Variants in SPON1 observed in about 807,000 individuals in gnomAD.
The protein encoded by SPON1 is spondin 1.
SPON1 carries 52 observed loss-of-function variants against 111.7 expected under a neutral mutation model. The observed-to-expected ratio is 0.47, with a 90% CI of 0.37 to 0.59. SPON1 has a LOEUF of 0.59. Ranked by LOEUF, SPON1 falls within the 20% of genes least tolerant of loss-of-function variation. SPON1 has a pLI of 0.00. For missense variants in SPON1, 957 were observed against 1,068.5 expected, an observed-to-expected ratio of 0.90 and a Z score of 1.46; for synonymous variants, 410 against 395.8, an observed-to-expected ratio of 1.04 and a Z score of -0.43.
At chr11:14,042,118 G>T (rs1848635732) in intron 3 of SPON1, among the ~76,000 whole-genome samples, 1 of 151,824 alleles carries the variant, frequency 6.6e-6, no homozygotes, top group African/African-American at 2.4e-5. Flanking sequence ...ATGGCCCTCT[G>T]GTGCCACTTC....
chr11:14,238,167 T>G (rs1848887205), intron 6 of SPON1, among the ~76,000 whole-genome samples: 1 of 152,228 alleles, frequency 6.6e-6, no homozygotes, highest in African/African-American at 2.4e-5. Context: ...TATTGTTTTA[T>G]TATTGTTGCT....
At chr11:14,068,239 A>C (rs1395150471) in intron 3 of SPON1, among the ~76,000 whole-genome samples, 1 of 152,220 alleles carries the variant, frequency 6.6e-6, no homozygotes, top group African/African-American at 2.4e-5. Flanking sequence ...GGATCATGGT[A>C]ACCTTGTTAT....
At chr11:14,160,734 TATTTA>T (rs1282228540) in intron 6 of SPON1, among the ~76,000 whole-genome samples, 3,419 of 12,540 alleles carry the variant, frequency 0.27, 850 homozygotes, top group African/African-American at 0.38. Context: ...TATTTATATA[TATTTA>T]ATTTATATAT....
At chr11:14,106,818 T>C (rs1179248563) in intron 5 of SPON1, among the ~76,000 whole-genome samples, 1 of 152,110 alleles carries the variant, frequency 6.6e-6, no homozygotes, top group Admixed American at 6.5e-5. Flanking sequence ...ACTGAGTTGA[T>C]TGATTAAATT....
chr11:14,259,511 T>G lies in SPON1; in HGVS notation c.1664-23T>G. The G allele has an allele frequency of 3.2e-6, 5 of 1,562,528 alleles. No homozygotes were observed. Among genetic ancestry groups the G allele is most frequent in the Non-Finnish European group, 4.3e-6 (5 of 1,153,976 alleles). ...AGGTCGGGGAGGCAGCAGGTGCGAC[T>G]CCAATGCCGCTGGCCTCCCCAGCTC... On this transcript the variant is annotated intron_variant, in intron 12 of 15. Transcript: ENST00000576479. The surrounding 1 kb of genome is among the most constrained non-coding windows in gnomAD (Gnocchi z 5.0).
At chr11:14,036,731 G>C (rs12283632) in intron 2 of SPON1, among the ~76,000 whole-genome samples, 1 of 151,834 alleles carries the variant, frequency 6.6e-6, no homozygotes, top group South Asian at 2.1e-4. Context: ...GAGGGTTTAC[G>C]ACTGAACCTT....
chr11:14,199,278 G>C (rs1554935377), intron 6 of SPON1, among the ~76,000 whole-genome samples: 2 of 152,048 alleles, frequency 1.3e-5, no homozygotes, highest in Non-Finnish European at 1.5e-5. Flanking sequence ...TTCCTCCAAT[G>C]TCTTCATAGT....
At chr11:14,078,447 T>C (rs578159542) in intron 4 of SPON1, among the ~76,000 whole-genome samples, 24 of 152,298 alleles carry the variant, frequency 1.6e-4, no homozygotes, top group Admixed American at 5.2e-4. Flanking sequence ...CGTAGAGCTA[T>C]GTAGGGAGGC....
At chr11:14,227,283 C>T (rs1030930677) in intron 6 of SPON1, among the ~76,000 whole-genome samples, 2 of 152,134 alleles carry the variant, frequency 1.3e-5, no homozygotes, top group Non-Finnish European at 2.9e-5. Context: ...ATAGCAGGGA[C>T]TTCAGGCACA....
Position 14,160,935 on chromosome 11 carries a change from A to ATT in SPON1, c.825+25368_825+25369insTT, listed in dbSNP as rs1564919772. ...TATATATTTATATATTTATATATTT[A>ATT]TATATATATTTATATATTTATATAT... On this transcript the variant is annotated intron_variant, in intron 6 of 15. Transcript: ENST00000576479. Among the ~76,000 whole-genome samples the ATT allele has an allele frequency of 9.2e-4, 11 of 11,918 alleles. 1 individual carries two copies. The highest frequency in any genetic ancestry group is 3.1e-3 in the African/African-American group (11 of 3,558). The allele number at this position is 11,918 out of a possible 152,430, so 7.8% of individuals were successfully genotyped here. A position where few individuals can be genotyped will look rare whatever the true frequency, so the allele number is the denominator to read the frequency against.
intron 3 of SPON1, among the ~76,000 whole-genome samples, chr11:14,069,945 G>C (rs1848862398): frequency 1.3e-5 from 2 of 152,034 alleles, no homozygotes; most frequent in African/African-American, 4.8e-5. Flanking sequence ...CTGGATACTT[G>C]TTAACTCTTG....
intron 6 of SPON1, among the ~76,000 whole-genome samples, chr11:14,206,223 T>A (rs1848515610): frequency 6.6e-6 from 1 of 152,198 alleles, no homozygotes; most frequent in Non-Finnish European, 1.5e-5. Context: ...AGACTGAGTC[T>A]TGCTCTGTCA....
intron 2 of SPON1, among the ~76,000 whole-genome samples, chr11:14,001,469 G>T (rs572213615): frequency 6.6e-6 from 1 of 152,132 alleles, no homozygotes; most frequent in African/African-American, 2.4e-5. Flanking sequence ...TATCTGATCC[G>T]AAGAAAGAAC....
intron 6 of SPON1, among the ~76,000 whole-genome samples, chr11:14,227,127 C>T (rs1373338564): frequency 6.6e-6 from 1 of 152,062 alleles, no homozygotes; most frequent in Non-Finnish European, 1.5e-5. Context: ...TTTGGGGGGC[C>T]GTTACTCAGC....
chr11:14,260,602 T>C lies in SPON1; in HGVS notation c.1846T>C (p.Leu616=). Residue 616 remains leucine (L), a synonymous_variant, in exon 14 of 16, where the codon TTG becomes CTG. Coordinates refer to ENST00000576479, the MANE Select transcript of SPON1 (RefSeq NM_006108.4). The part of the protein sequence containing the change: ...MMPECHTIPC[L]LSPWSEWSDC... ...TCTTGATCTAGACACCATCCCATGC[T>C]TGCTGTCCCCATGGTCCGAGTGGAG... 6.2e-7 allele frequency: 1 copy of C among 1,613,742 alleles called. No homozygotes were observed. Among genetic ancestry groups the C allele is most frequent in the South Asian group, 1.1e-5 (1 of 91,038 alleles).
intron 5 of SPON1, among the ~76,000 whole-genome samples, chr11:14,097,840 TTG>T (rs1402231731): frequency 3.5e-5 from 5 of 141,004 alleles, no homozygotes; most frequent in African/African-American, 1.2e-4. Flanking sequence ...CAACATGTTT[TTG>T]TCTTTTTTTT....
rs1290420071 is a variant in SPON1, at chr11:14,267,547, T to C, written c.*1860T>C. 6.6e-6 allele frequency: 1 copy of C among 152,240 alleles called. No homozygotes were observed. The highest frequency in any genetic ancestry group is 1.5e-5 in the Non-Finnish European group (1 of 68,036). 9.4% of individuals were successfully genotyped at this position (152,240 alleles called of 1,614,324 possible). A position where few individuals can be genotyped will look rare whatever the true frequency, so the allele number is the denominator to read the frequency against. On this transcript the variant is annotated 3_prime_UTR_variant, in exon 16 of 16. Coordinates refer to ENST00000576479, the MANE Select transcript of SPON1 (RefSeq NM_006108.4). Reference sequence around the variant, plus strand: ...TAAAGTTCCTTAAGCTGGTGATTCCTAATCAAGGACAAGCCACCCTAGTGT... The same window carrying C: ...TAAAGTTCCTTAAGCTGGTGATTCCCAATCAAGGACAAGCCACCCTAGTGT...
At chr11:14,238,938 A>G (rs550335369) in intron 6 of SPON1, among the ~76,000 whole-genome samples, 2 of 152,328 alleles carry the variant, frequency 1.3e-5, no homozygotes, top group Admixed American at 1.3e-4. Flanking sequence ...GGGAGCTGAG[A>G]AGGGGCTCTA....
At chr11:14,175,448 G>A (rs1202844548) in intron 6 of SPON1, among the ~76,000 whole-genome samples, 1 of 152,164 alleles carries the variant, frequency 6.6e-6, no homozygotes, top group Non-Finnish European at 1.5e-5. Flanking sequence ...TGCCAGGCTG[G>A]CTTGAAAAGC....
Sources: allele counts gnomAD v4.1 joint callset (sites outside exome capture counted in the v4.1 genomes callset), GRCh38; gene constraint gnomAD v4.1.1; non-coding constraint Gnocchi (gnomAD v3.1); transcripts MANE v1.5; gene names NCBI Gene and HGNC (gene_info 2026-07-23, HGNC 2026-07-21).